The following RBM20 variants were observed in gnomAD, a reference collection of about 807,000 sequenced individuals.
The protein encoded by RBM20 is RNA binding motif protein 20, also known as RNA-binding protein 20.
A neutral mutation model predicts 110.1 loss-of-function variants in RBM20; 51 were observed. That is an observed-to-expected ratio of 0.46 (90% confidence interval 0.37 to 0.59). The LOEUF is 0.59. RBM20 is among the 20% of genes least tolerant of loss of function. The probability of loss-of-function intolerance (pLI) is 0.00; values close to 1 mark genes in which losing one functional copy is unlikely to be tolerated. For missense variants in RBM20, 1,512 were observed against 1,574.9 expected, an observed-to-expected ratio of 0.96 and a Z score of 0.68; for synonymous variants, 589 against 618.2, an observed-to-expected ratio of 0.95 and a Z score of 0.70.
At chr10:110,707,845 A>T (rs1274137158) in intron 1 of RBM20, among the ~76,000 whole-genome samples, 1 of 152,232 alleles carries the variant, frequency 6.6e-6, no homozygotes, top group African/African-American at 2.4e-5. Flanking sequence ...GTGCCGCGGG[A>T]TGACGATAGT....
intron 9 of RBM20, among the ~76,000 whole-genome samples, chr10:110,815,040 A>G (rs1844821318): frequency 1.3e-5 from 2 of 152,254 alleles, no homozygotes; most frequent in South Asian, 4.1e-4. Context: ...AGAGCAGGCA[A>G]CATATACAGG....
chr10:110,787,058 C>A (rs114500464), intron 5 of RBM20, among the ~76,000 whole-genome samples: 3,158 of 152,326 alleles, frequency 0.021, 105 homozygotes, highest in African/African-American at 0.072. Context: ...GACCTAAGTT[C>A]AAGTCCTACT....
At chr10:110,737,190 A>AC (rs1315731414) in intron 1 of RBM20, among the ~76,000 whole-genome samples, 6 of 143,428 alleles carry the variant, frequency 4.2e-5, no homozygotes, top group African/African-American at 1.0e-4. Flanking sequence ...AAAAAAAAAA[A>AC]AAAAAAACAC....
chr10:110,783,998 T>C (rs1243686751), intron 3 of RBM20, among the ~76,000 whole-genome samples: 1 of 152,254 alleles, frequency 6.6e-6, no homozygotes, highest in East Asian at 1.9e-4. Context: ...ATATGATATG[T>C]GGCCTTTGGT....
chr10:110,744,479 A>C (rs535672176), intron 1 of RBM20, among the ~76,000 whole-genome samples: 130 of 152,334 alleles, frequency 8.5e-4, no homozygotes, highest in Middle Eastern at 3.4e-3. Context: ...ATACCTTTGA[A>C]CATTGGTTCC....
chr10:110,682,784 G>C (rs1454820553), intron 1 of RBM20, among the ~76,000 whole-genome samples: 1 of 152,156 alleles, frequency 6.6e-6, no homozygotes, highest in Non-Finnish European at 1.5e-5. Context: ...AGCTACTGTA[G>C]GATTATGCAA....
chr10:110,669,503 A>C (rs1862229519), intron 1 of RBM20, among the ~76,000 whole-genome samples: 1 of 152,230 alleles, frequency 6.6e-6, no homozygotes, highest in African/African-American at 2.4e-5. Context: ...TGTGCCTTTC[A>C]ACAAAACTTT....
intron 1 of RBM20, among the ~76,000 whole-genome samples, chr10:110,680,711 G>A (rs1209375764): frequency 2.0e-5 from 3 of 152,188 alleles, no homozygotes; most frequent in African/African-American, 7.2e-5. Flanking sequence ...ACCTTTCATA[G>A]TGGGGCTTGG....
At chr10:110,653,609 G>T (rs1218268330) in intron 1 of RBM20, among the ~76,000 whole-genome samples, 1 of 151,492 alleles carries the variant, frequency 6.6e-6, no homozygotes, top group African/African-American at 2.4e-5. Flanking sequence ...TGAGGCTGGA[G>T]TACAGGGTGC....
chr10:110,733,308 A>T lies in RBM20; in HGVS notation c.192-47493A>T, dbSNP rs562521928. Reference sequence around the variant, plus strand: ...TATTTCTTCTAGTGCAGAATCAGTGACCCCTTCCCTGCCCTCACCCCTGGC... The same window carrying T: ...TATTTCTTCTAGTGCAGAATCAGTGTCCCCTTCCCTGCCCTCACCCCTGGC... On this transcript the variant is annotated intron_variant, in intron 1 of 13. Transcript: ENST00000369519. Among the ~76,000 whole-genome samples, 18 of 152,186 alleles carry T rather than the reference A, an allele frequency of 1.2e-4. No individual in the cohort carries two copies. The East Asian group carries it at 3.1e-3, about 26-fold the overall frequency.
At chr10:110,646,791 G>A (rs1220016319) in intron 1 of RBM20, among the ~76,000 whole-genome samples, 1 of 152,226 alleles carries the variant, frequency 6.6e-6, no homozygotes, top group Non-Finnish European at 1.5e-5. Context: ...GGTGTGGTTT[G>A]CATCAGCCAT....
chr10:110,779,425 T>C (rs1177800767), intron 1 of RBM20, among the ~76,000 whole-genome samples: 1 of 152,222 alleles, frequency 6.6e-6, no homozygotes, highest in Non-Finnish European at 1.5e-5. Flanking sequence ...CTTTGCCCCA[T>C]GCACCTCTTC....
chr10:110,744,818 C>T (rs1161340444), intron 1 of RBM20, among the ~76,000 whole-genome samples: 2 of 152,206 alleles, frequency 1.3e-5, no homozygotes, highest in Non-Finnish European at 2.9e-5. Context: ...ATATTTCGAA[C>T]AAAGGCAATG....
chr10:110,797,455 G>T, intron 5 of RBM20, 53 bp from the exon 6 acceptor site: 1 of 1,472,446 alleles, frequency 6.8e-7, no homozygotes. Context: ...CTGGAAGAGA[G>T]GGGAAAAGGG....
At chr10:110,826,422 A>G (rs1428262559) in intron 12 of RBM20, among the ~76,000 whole-genome samples, 1 of 152,106 alleles carries the variant, frequency 6.6e-6, no homozygotes, top group East Asian at 1.9e-4. Context: ...TGCAACCCCC[A>G]GGTAAAGGAT....
chr10:110,781,757 A>G lies in RBM20; in HGVS notation c.1148A>G (p.Lys383Arg). 7 of 1,551,854 alleles carry G rather than the reference A, an allele frequency of 4.5e-6. No individual in the cohort carries two copies. Among genetic ancestry groups the G allele is most frequent in the Non-Finnish European group, 6.1e-6 (7 of 1,147,018 alleles). Residue 383 changes from lysine (K) to arginine (R), a missense_variant, in exon 2 of 14, where the codon AAG becomes AGG. Transcript: ENST00000369519. The stretch of plus-strand genomic sequence containing the variant: ...TTTATCGGTGCTGGGCGGAGGGCCA[A>G]GGAGGACCAGGCGTTGCTATCTGTG... ...QGFIGAGRRA[K>R]EDQALLSVRP...
rs1161898869 is a variant in RBM20 at position 110,704,450 on chromosome 10, T to G, written c.191+59805T>G. On this transcript the variant is annotated intron_variant, in intron 1 of 13. Coordinates refer to ENST00000369519, the MANE Select transcript of RBM20 (RefSeq NM_001134363.3). Reference sequence around the variant, plus strand: ...TGCAATTGCTGGGTTATATGGTAATTACATGTTTAGGTTTACTACTTTAAT... The same window carrying G: ...TGCAATTGCTGGGTTATATGGTAATGACATGTTTAGGTTTACTACTTTAAT... Among the ~76,000 whole-genome samples, 4 of 152,366 alleles carry G rather than the reference T, an allele frequency of 2.6e-5. No homozygotes were observed. The East Asian group carries it at 7.7e-4, about 29-fold the overall frequency.
At chr10:110,685,423 T>C (rs554080984) in intron 1 of RBM20, among the ~76,000 whole-genome samples, 1 of 152,316 alleles carries the variant, frequency 6.6e-6, no homozygotes, top group African/African-American at 2.4e-5. Context: ...TGTTCCTCTG[T>C]TGACAGCTGT....
chr10:110,712,183 G>A (rs543284739), intron 1 of RBM20, among the ~76,000 whole-genome samples: 8 of 152,226 alleles, frequency 5.3e-5, no homozygotes, highest in African/African-American at 1.9e-4. Flanking sequence ...GACCAAACAA[G>A]GTGCTCAGTT....
Sources: allele counts gnomAD v4.1 joint callset (sites outside exome capture counted in the v4.1 genomes callset), GRCh38; gene constraint gnomAD v4.1.1; transcripts MANE v1.5; gene names NCBI Gene and HGNC (gene_info 2026-07-23, HGNC 2026-07-21).